ABHD12: variants seen among roughly 807,000 people sequenced by gnomAD.
ABHD12 encodes abhydrolase domain containing 12, lysophospholipase, also known as lysophosphatidylserine lipase ABHD12.
ABHD12 carries 43 observed loss-of-function variants against 58.3 expected under a neutral mutation model. That is an observed-to-expected ratio of 0.74 (90% CI 0.58 to 0.95). The LOEUF (loss-of-function observed/expected upper bound fraction) is 0.95, where lower values mean the gene tolerates loss of function less well. ABHD12 is among the 40% of genes least tolerant of loss of function. The pLI is 0.00. For missense variants in ABHD12, 539 were observed against 537.2 expected (o/e 1.00, Z -0.03); for synonymous variants, 219 against 211.2 (o/e 1.04, Z -0.32).
intron 1 of ABHD12, among the ~76,000 whole-genome samples, chr20:25,366,915 C>T (rs1398997173): frequency 1.3e-5 from 2 of 152,150 alleles, no homozygotes; most frequent in Non-Finnish European, 2.9e-5. Context: ...CCCCACACAC[C>T]TCTCTTCTTT....
chr20:25,349,109 A>AAAAAAAGT (rs1483446349), intron 1 of ABHD12, among the ~76,000 whole-genome samples: 28 of 151,986 alleles, frequency 1.8e-4, no homozygotes, highest in Non-Finnish European at 3.1e-4. Context: ...AGAAAAAAAG[A>AAAAAAAGT]AACAGATATT....
chr20:25,337,501 G>C (rs2089391597), intron 2 of ABHD12, among the ~76,000 whole-genome samples: 1 of 152,252 alleles, frequency 6.6e-6, no homozygotes, highest in Admixed American at 6.5e-5. Context: ...AAAATCTGTA[G>C]GCTGTGTGTC....
At position 25,302,334 on chromosome 20, in the gene ABHD12, C is replaced by T. The variant is rs763733941; in HGVS notation, c.1042G>A (p.Ala348Thr). The T allele has an allele frequency of 1.6e-5, 26 of 1,613,226 alleles. No homozygotes were observed. In the East Asian group the frequency reaches 3.1e-4, roughly 19 times the overall value. ...TCTCGGAAGCTTCGAGCTGGTGCGGCGATGCTATAGAGCTGGGGAGAGAGG... is the reference window on the plus strand; with the variant it reads ...TCTCGGAAGCTTCGAGCTGGTGCGGTGATGCTATAGAGCTGGGGAGAGAGG... ...FQLGRKLYSI[A>T]APARSFRDFK... The change falls in exon 12 of 13, where the codon GCC becomes ACC. Residue 348 changes from alanine to threonine, a missense_variant. Coordinates refer to ENST00000339157, the MANE Select transcript of ABHD12 (RefSeq NM_001042472.3).
At chr20:25,309,677 G>A in intron 6 of ABHD12, 102 bp from the exon 7 acceptor site, 3 of 1,555,604 alleles carry the variant, frequency 1.9e-6, no homozygotes, top group East Asian at 2.3e-5. Context: ...GAGACAGGGA[G>A]GGGCCCGCTT....
intron 1 of ABHD12, among the ~76,000 whole-genome samples, chr20:25,385,023 T>G (rs2990515): frequency 0.027 from 4,115 of 152,210 alleles, 176 homozygotes; most frequent in African/African-American, 0.09. Context: ...ATTAGATATA[T>G]TACTGACTAG....
intron 1 of ABHD12, among the ~76,000 whole-genome samples, chr20:25,381,910 G>A (rs539800749): frequency 1.7e-4 from 26 of 152,132 alleles, no homozygotes; most frequent in Admixed American, 3.3e-4. Flanking sequence ...TGCCTGCCTC[G>A]GCCTCCCAAA....
intron 1 of ABHD12, among the ~76,000 whole-genome samples, chr20:25,376,125 A>AAATAATAAT (rs374119522): frequency 1.3e-5 from 2 of 151,858 alleles, no homozygotes; most frequent in African/African-American, 2.4e-5. Context: ...CTGTCTCAAA[A>AAATAATAAT]AATAATAATA....
intron 1 of ABHD12, among the ~76,000 whole-genome samples, chr20:25,370,388 ACCAACT>A (rs2089885120): frequency 6.6e-6 from 1 of 152,178 alleles, no homozygotes; most frequent in African/African-American, 2.4e-5. Flanking sequence ...CTCAGAGGCC[ACCAACT>A]CCAAGAAAAG....
intron 3 of ABHD12, among the ~76,000 whole-genome samples, chr20:25,322,524 C>T (rs1001695901): frequency 1.5e-4 from 22 of 148,742 alleles, no homozygotes; most frequent in African/African-American, 5.5e-4. Context: ...GGACTACAGG[C>T]GCGTGCCACC....
chr20:25,320,171 GCAA>G (rs2089039538), intron 4 of ABHD12, 25 bp downstream of exon 4: 1 of 1,612,760 alleles, frequency 6.2e-7, no homozygotes, highest in African/African-American at 1.3e-5. Flanking sequence ...ATGCTCCACA[GCAA>G]AGATGATGGG....
intron 2 of ABHD12, among the ~76,000 whole-genome samples, chr20:25,332,586 C>T (rs1172683526): frequency 4.6e-5 from 7 of 151,734 alleles, no homozygotes; most frequent in African/African-American, 1.5e-4. Flanking sequence ...TGTAAAAGAA[C>T]AGAAATTATA....
downstream of ABHD12, among the ~76,000 whole-genome samples, chr20:25,298,193 G>A (rs1446683119): frequency 1.3e-5 from 2 of 152,322 alleles, no homozygotes; most frequent in South Asian, 4.1e-4. Context: ...CCATCATTCT[G>A]GGATTGAGGG....
intron 1 of ABHD12, among the ~76,000 whole-genome samples, chr20:25,340,928 A>C (rs1481106507): frequency 6.6e-6 from 1 of 152,198 alleles, no homozygotes; most frequent in Non-Finnish European, 1.5e-5. Flanking sequence ...ACATGATGGC[A>C]CACATTTATC....
At chr20:25,362,193 G>C (rs1214471193) in intron 1 of ABHD12, among the ~76,000 whole-genome samples, 1 of 151,744 alleles carries the variant, frequency 6.6e-6, no homozygotes, top group Non-Finnish European at 1.5e-5. Context: ...GGCAGGAGAA[G>C]CACTTGAACC....
At chr20:25,375,758 C>T (rs1256594568) in intron 1 of ABHD12, among the ~76,000 whole-genome samples, 1 of 152,110 alleles carries the variant, frequency 6.6e-6, no homozygotes, top group Non-Finnish European at 1.5e-5. Flanking sequence ...GTTGTGGCTG[C>T]TATTTGGGTT....
At chr20:25,307,062 G>A in intron 9 of ABHD12, 147 bp from the exon 10 acceptor site, 2 of 684,250 alleles carry the variant, frequency 2.9e-6, no homozygotes, top group South Asian at 1.5e-5. Context: ...ATTGCCAAGG[G>A]GCCACCAGAG....
intron 1 of ABHD12, among the ~76,000 whole-genome samples, chr20:25,388,845 C>T (rs1331058955): frequency 7.2e-6 from 1 of 138,846 alleles, no homozygotes; most frequent in Non-Finnish European, 1.5e-5. Context: ...CTGGAGTGCA[C>T]TGGTGCGATC....
chr20:25,329,918 T>C (rs1046325717), intron 2 of ABHD12, among the ~76,000 whole-genome samples: 1 of 152,144 alleles, frequency 6.6e-6, no homozygotes, highest in Non-Finnish European at 1.5e-5. Context: ...AGCTGGCCCT[T>C]TGCTTTAAAA....
intron 1 of ABHD12, among the ~76,000 whole-genome samples, chr20:25,374,713 T>C (rs922010301): frequency 1.3e-5 from 2 of 152,188 alleles, no homozygotes; most frequent in South Asian, 2.1e-4. Context: ...TTGGTCAGGC[T>C]GGTCTCAAAC....
Sources: allele counts gnomAD v4.1 joint callset (sites outside exome capture counted in the v4.1 genomes callset), GRCh38; gene constraint gnomAD v4.1.1; transcripts MANE v1.5; gene names NCBI Gene and HGNC (gene_info 2026-07-23, HGNC 2026-07-21).